Variants in ST6GALNAC3 observed in about 807,000 individuals in gnomAD.
ST6GALNAC3 encodes alpha-N-acetylgalactosaminide alpha-2,6-sialyltransferase 3.
Under a neutral mutation model 32.7 loss-of-function variants are expected in ST6GALNAC3, and 25 were observed. The ratio of observed to expected loss-of-function variants is 0.76; its 90% CI spans 0.56 to 1.07. The LOEUF is 1.07. Among genes scored for constraint, ST6GALNAC3 ranks in the 50% least tolerant of loss-of-function variants. The pLI, the probability that ST6GALNAC3 is intolerant of heterozygous loss-of-function variation, is 0.00. For missense variants in ST6GALNAC3, 355 were observed against 382.4 expected (o/e 0.93, Z 0.60); for synonymous variants, 129 against 133.1 (o/e 0.97, Z 0.21).
chr1:76,487,622 T>G (rs1255587482), intron 3 of ST6GALNAC3, among the ~76,000 whole-genome samples: 5 of 152,174 alleles, frequency 3.3e-5, no homozygotes, highest in African/African-American at 1.2e-4. Flanking sequence ...TAGTTAGCCA[T>G]TTGTCTAATC....
chr1:76,264,563 A>G (rs1487715778), intron 1 of ST6GALNAC3, among the ~76,000 whole-genome samples: 1 of 152,144 alleles, frequency 6.6e-6, no homozygotes, highest in African/African-American at 2.4e-5. Context: ...GGAATCGCTT[A>G]CCTAAATCTA....
intron 1 of ST6GALNAC3, among the ~76,000 whole-genome samples, chr1:76,121,015 C>T (rs1216949981): frequency 6.6e-6 from 1 of 152,178 alleles, no homozygotes; most frequent in East Asian, 1.9e-4. Context: ...ATCATCACAT[C>T]TCCTTCTCTG....
At chr1:76,236,478 T>G (rs145689987) in intron 1 of ST6GALNAC3, among the ~76,000 whole-genome samples, 10 of 152,316 alleles carry the variant, frequency 6.6e-5, no homozygotes, top group African/African-American at 2.4e-4. Context: ...GATAACAACA[T>G]AAGCAATGAT....
intron 1 of ST6GALNAC3, among the ~76,000 whole-genome samples, chr1:76,196,468 C>CT (rs760047718): frequency 1.4e-3 from 200 of 144,610 alleles, no homozygotes; most frequent in Middle Eastern, 7.1e-3. Flanking sequence ...ATTCTCAATA[C>CT]TTTTTTTTTT....
At chr1:76,517,448 T>A (rs1428017359) in intron 3 of ST6GALNAC3, among the ~76,000 whole-genome samples, 1 of 151,892 alleles carries the variant, frequency 6.6e-6, no homozygotes, top group Non-Finnish European at 1.5e-5. Context: ...TTCATAAACT[T>A]GTCAATTTTT....
chr1:76,203,022 T>C (rs753701427), intron 1 of ST6GALNAC3, among the ~76,000 whole-genome samples: 1 of 152,198 alleles, frequency 6.6e-6, no homozygotes, highest in African/African-American at 2.4e-5. Context: ...AGGATTGGAA[T>C]TTAGAATATT....
chr1:76,474,288 A>T (rs1389372275), intron 3 of ST6GALNAC3, among the ~76,000 whole-genome samples: 1 of 152,204 alleles, frequency 6.6e-6, no homozygotes, highest in East Asian at 1.9e-4. Context: ...AAATTACAAG[A>T]CCACTGGCAT....
At chr1:76,384,767 A>C (rs1651967396) in intron 2 of ST6GALNAC3, among the ~76,000 whole-genome samples, 1 of 151,686 alleles carries the variant, frequency 6.6e-6, no homozygotes. Flanking sequence ...GTGACCCAGT[A>C]ATTCCATTCC....
At chr1:76,431,478 A>G (rs1655747759) in intron 3 of ST6GALNAC3, among the ~76,000 whole-genome samples, 1 of 152,212 alleles carries the variant, frequency 6.6e-6, no homozygotes, top group Non-Finnish European at 1.5e-5. Flanking sequence ...ATGTAAATCT[A>G]TCACAAATTA....
intron 2 of ST6GALNAC3, among the ~76,000 whole-genome samples, chr1:76,401,210 T>C (rs1296372302): frequency 6.6e-6 from 1 of 152,106 alleles, no homozygotes; most frequent in East Asian, 1.9e-4. Flanking sequence ...TCTTATCTTA[T>C]TTTTTTAAAT....
intron 1 of ST6GALNAC3, among the ~76,000 whole-genome samples, chr1:76,288,280 A>G (rs1359619743): frequency 2.6e-5 from 4 of 152,236 alleles, no homozygotes; most frequent in African/African-American, 9.6e-5. Context: ...ATGTGTTTGT[A>G]AGTCCAATTT....
chr1:76,628,194 T>C (rs1423941176), intron 4 of ST6GALNAC3, among the ~76,000 whole-genome samples: 8 of 151,944 alleles, frequency 5.3e-5, no homozygotes, highest in African/African-American at 1.9e-4. Flanking sequence ...GTTTTAATCA[T>C]AATGTCAAAA....
chr1:76,445,176 T>A (rs1357066240), intron 3 of ST6GALNAC3, among the ~76,000 whole-genome samples: 1 of 152,156 alleles, frequency 6.6e-6, no homozygotes, highest in African/African-American at 2.4e-5. Flanking sequence ...GTGTCTCTAC[T>A]AAGAAGACTT....
intron 3 of ST6GALNAC3, among the ~76,000 whole-genome samples, chr1:76,580,428 A>C (rs1007375880): frequency 1.3e-5 from 2 of 152,108 alleles, no homozygotes; most frequent in African/African-American, 4.8e-5. Flanking sequence ...TTTAACTTGG[A>C]GATAGCTCCT....
intron 2 of ST6GALNAC3, among the ~76,000 whole-genome samples, chr1:76,384,351 G>A (rs904901440): frequency 3.3e-5 from 5 of 152,014 alleles, no homozygotes; most frequent in Admixed American, 6.6e-5. Context: ...TTAATGATCC[G>A]AAAAGATATG....
chr1:76,296,988 T>C (rs1660441517), intron 1 of ST6GALNAC3, among the ~76,000 whole-genome samples: 1 of 152,040 alleles, frequency 6.6e-6, no homozygotes, highest in African/African-American at 2.4e-5. Context: ...TTGTATTAAA[T>C]GGTCATTGAA....
At chr1:76,447,625 C>T (rs139087242) in intron 3 of ST6GALNAC3, among the ~76,000 whole-genome samples, 239 of 152,196 alleles carry the variant, frequency 1.6e-3, no homozygotes, top group African/African-American at 5.3e-3. Flanking sequence ...CCCAGGACAC[C>T]GCCCCCTCCC....
In ST6GALNAC3 at chr1:76,632,866, T is replaced by G. The variant is rs540433967; in HGVS notation, c.*4060T>G. Reference sequence around the variant, plus strand: ...CATGTCAAATGCAAATAATAAATTATGTTATTCAGTATCAGTTGTTTGCAT... The same window carrying G: ...CATGTCAAATGCAAATAATAAATTAGGTTATTCAGTATCAGTTGTTTGCAT... On this transcript the variant is annotated 3_prime_UTR_variant, in exon 5 of 5. Transcript: ENST00000328299. 1 of 152,156 alleles carries G rather than the reference T, an allele frequency of 6.6e-6. No homozygotes were observed. Among genetic ancestry groups the G allele is most frequent in the South Asian group, 2.1e-4 (1 of 4,828 alleles). The allele number at this position is 152,156 out of a possible 1,614,324, so 9.4% of individuals were successfully genotyped here. A position where few individuals can be genotyped will look rare whatever the true frequency, so the allele number is the denominator to read the frequency against.
intron 2 of ST6GALNAC3, among the ~76,000 whole-genome samples, chr1:76,360,909 C>T (rs1292223070): frequency 6.6e-6 from 1 of 152,074 alleles, no homozygotes; most frequent in East Asian, 1.9e-4. Context: ...TTCACTTAAT[C>T]CTGTCAAAAT....
Sources: allele counts gnomAD v4.1 joint callset (sites outside exome capture counted in the v4.1 genomes callset), GRCh38; gene constraint gnomAD v4.1.1; transcripts MANE v1.5; gene names NCBI Gene and HGNC (gene_info 2026-07-23, HGNC 2026-07-21).